SUPT3H: variants seen among roughly 807,000 people sequenced by gnomAD.
The protein encoded by SUPT3H is SPT3 homolog, SAGA and STAGA complex component, also known as transcription initiation protein SPT3 homolog.
SUPT3H carries 44 observed loss-of-function variants against 44.3 expected under a neutral mutation model. That is an observed-to-expected ratio of 0.99 (90% CI 0.78 to 1.28). The LOEUF (loss-of-function observed/expected upper bound fraction) is 1.28, where lower values mean the gene tolerates loss of function less well. Among genes scored for constraint, SUPT3H ranks in the 50% most tolerant of loss-of-function variants. SUPT3H has a pLI of 0.00. For missense variants in SUPT3H, 380 were observed against 387.1 expected, an observed-to-expected ratio of 0.98 and a Z score of 0.15; for synonymous variants, 124 against 125.6, an observed-to-expected ratio of 0.99 and a Z score of 0.09.
At chr6:45,133,290 T>C (rs1803764738) in intron 2 of SUPT3H, among the ~76,000 whole-genome samples, 1 of 152,194 alleles carries the variant, frequency 6.6e-6, no homozygotes, top group Admixed American at 6.5e-5. Context: ...CAGTCTTATC[T>C]TCAAAAAGTG....
intron 2 of SUPT3H, among the ~76,000 whole-genome samples, chr6:45,318,188 A>G (rs1584889796): frequency 6.6e-6 from 1 of 152,146 alleles, no homozygotes; most frequent in Non-Finnish European, 1.5e-5. Context: ...TGTTATATGT[A>G]TTTAACCACT....
At chr6:45,128,235 A>G (rs559894478) in intron 2 of SUPT3H, among the ~76,000 whole-genome samples, 4 of 152,000 alleles carry the variant, frequency 2.6e-5, no homozygotes, top group Admixed American at 2.6e-4. Context: ...AGCCAGGTTC[A>G]GTGGCTCACG....
intron 3 of SUPT3H, among the ~76,000 whole-genome samples, chr6:45,070,575 A>G (rs1794207355): frequency 1.3e-5 from 2 of 151,596 alleles, no homozygotes; most frequent in African/African-American, 4.9e-5. Context: ...CCCCGTCTCT[A>G]CTAAAAATAC....
At chr6:45,141,338 CAAAAAA>C (rs1162738855) in intron 2 of SUPT3H, among the ~76,000 whole-genome samples, 5 of 45,284 alleles carry the variant, frequency 1.1e-4, no homozygotes, top group Non-Finnish European at 1.7e-4. Flanking sequence ...GACTCCATCT[CAAAAAA>C]AAAAAAAAAA....
chr6:44,901,026 G>C (rs1764937434), intron 10 of SUPT3H, among the ~76,000 whole-genome samples: 2 of 152,048 alleles, frequency 1.3e-5, no homozygotes, highest in African/African-American at 2.4e-5. Flanking sequence ...ATCTATACGT[G>C]ACCATCATCA....
At chr6:45,356,238 T>C (rs943662737) in intron 2 of SUPT3H, among the ~76,000 whole-genome samples, 11 of 152,072 alleles carry the variant, frequency 7.2e-5, no homozygotes, top group African/African-American at 1.9e-4. Flanking sequence ...AAAATCTACA[T>C]AGGTGTCCAA....
rs530384778 is a variant in SUPT3H, at chr6:44,971,874, G to A, written c.505-10046C>T. On this transcript the variant is annotated intron_variant, in intron 6 of 10. Coordinates refer to ENST00000371459, the MANE Select transcript of SUPT3H (RefSeq NM_003599.4). ...TGCAAGCTCCGCCTCCTGGGTTCAT[G>A]CCATTCTCCTGCCTCAGCATCCCGA... Among the ~76,000 whole-genome samples the A allele has an allele frequency of 5.3e-4, 80 of 152,244 alleles. 1 individual carries two copies. In the South Asian group the frequency reaches 0.014, roughly 27 times the overall value.
chr6:45,127,291 G>A (rs913366656), intron 2 of SUPT3H, among the ~76,000 whole-genome samples: 3 of 152,148 alleles, frequency 2.0e-5, no homozygotes, highest in African/African-American at 7.2e-5. Context: ...TCCAGCCTAG[G>A]AGACTGAGTG....
intron 2 of SUPT3H, among the ~76,000 whole-genome samples, chr6:45,334,898 G>T (rs7757676): frequency 0.13 from 19,631 of 151,030 alleles, 1,515 homozygotes; most frequent in East Asian, 0.26. Context: ...GGAATTTCAA[G>T]ACTAAAATAA....
chr6:44,951,615 C>T (rs1301087389), intron 9 of SUPT3H, among the ~76,000 whole-genome samples: 2 of 152,150 alleles, frequency 1.3e-5, no homozygotes, highest in African/African-American at 4.8e-5. Flanking sequence ...GCTCCCACCT[C>T]CCAGAGAGCC....
In SUPT3H at chr6:45,297,786, C is replaced by G. The variant is rs148101395; in HGVS notation, c.101+67415G>C. Among the ~76,000 whole-genome samples, 12 of 152,252 alleles carry G rather than the reference C, an allele frequency of 7.9e-5. No homozygotes were observed. In the East Asian group the frequency reaches 2.3e-3, roughly 29 times the overall value. On this transcript the variant is annotated intron_variant, in intron 2 of 10. Transcript: ENST00000371459. Reference sequence around the variant, plus strand: ...TTTAGGCTCCCTATGCAGCCTATCACCCAGAGAAAACTTAGCACAGAGTAG... The same window carrying G: ...TTTAGGCTCCCTATGCAGCCTATCAGCCAGAGAAAACTTAGCACAGAGTAG...
Position 44,870,952 on chromosome 6 carries a change from C to T in SUPT3H, c.913-41095G>A, listed in dbSNP as rs550170616. ...GCGCTTTTCAGACCGGCTTAAAAAA[C>T]GGCGCACCACGAGACTATATCCCAC... On this transcript the variant is annotated intron_variant, in intron 10 of 10. Transcript: ENST00000371459. Among the ~76,000 whole-genome samples the T allele has an allele frequency of 4.8e-3, 723 of 151,742 alleles. 10 individuals are homozygous for T. Among genetic ancestry groups the T allele is most frequent in the East Asian group, 0.041 (208 of 5,062 alleles).
intron 3 of SUPT3H, among the ~76,000 whole-genome samples, chr6:45,085,773 T>C (rs1334938690): frequency 6.6e-6 from 1 of 152,078 alleles, no homozygotes; most frequent in Admixed American, 6.6e-5. Context: ...TTGAATGAGA[T>C]TCAATCGAAT....
intron 2 of SUPT3H, among the ~76,000 whole-genome samples, chr6:45,279,170 C>T (rs1012908162): frequency 6.6e-6 from 1 of 152,096 alleles, no homozygotes; most frequent in African/African-American, 2.4e-5. Flanking sequence ...TATCTAAAAT[C>T]TTTTGACCCA....
chr6:44,987,487 AAGATGG>A (rs1440883890), intron 6 of SUPT3H, among the ~76,000 whole-genome samples: 2 of 152,100 alleles, frequency 1.3e-5, no homozygotes, highest in Non-Finnish European at 2.9e-5. Context: ...TATCCAGAGA[AAGATGG>A]AGATGGAGAA....
intron 3 of SUPT3H, among the ~76,000 whole-genome samples, chr6:45,034,689 G>T (rs983044586): frequency 1.3e-5 from 2 of 152,172 alleles, no homozygotes; most frequent in Admixed American, 1.3e-4. Flanking sequence ...ACATAAATTA[G>T]CATTTGTTGA....
At chr6:45,051,015 G>A (rs1472917322) in intron 3 of SUPT3H, among the ~76,000 whole-genome samples, 3 of 151,340 alleles carry the variant, frequency 2.0e-5, no homozygotes, top group Non-Finnish European at 2.9e-5. Context: ...CTCCTGAGTA[G>A]CTGGGACTAC....
At position 44,956,494 on chromosome 6, in the gene SUPT3H, AAAT is replaced by A. The variant is rs1442260341; in HGVS notation, c.581-1890_581-1888del. On this transcript the variant is annotated intron_variant, in intron 7 of 10. Transcript: ENST00000371459. ...TCAAAAAAAAAAAAATAAAAAAAAA[AAAT>A]AAAAATAAAAAAAAAAAAGTGTCTA... Among the ~76,000 whole-genome samples, 15 of 6,034 alleles carry A rather than the reference AAAT, an allele frequency of 2.5e-3. 2 individuals carry two copies. Among genetic ancestry groups the A allele is most frequent in the South Asian group, 6.3e-3 (1 of 160 alleles). 4.0% of individuals were successfully genotyped at this position (6,034 alleles called of 152,430 possible). A position where few individuals can be genotyped will look rare whatever the true frequency, so the allele number is the denominator to read the frequency against.
At chr6:45,261,941 G>A (rs1774427466) in intron 2 of SUPT3H, among the ~76,000 whole-genome samples, 1 of 151,902 alleles carries the variant, frequency 6.6e-6, no homozygotes, top group Non-Finnish European at 1.5e-5. Flanking sequence ...TAATGCCCAA[G>A]CTGAAAGCCA....
Sources: gnomAD v4.1 joint callset for allele counts (sites outside exome capture counted in the v4.1 genomes callset) on GRCh38, gnomAD v4.1.1 for gene constraint, MANE v1.5 for transcripts, NCBI Gene and HGNC (gene_info 2026-07-23, HGNC 2026-07-21) for gene names.